EFHC1: variants seen among roughly 807,000 people sequenced by gnomAD.
The protein encoded by EFHC1 is EF-hand domain containing 1.
EFHC1 carries 53 observed loss-of-function variants against 69.9 expected under a neutral mutation model. That is an observed-to-expected ratio of 0.76 (90% CI 0.61 to 0.95). EFHC1 has a LOEUF of 0.95. EFHC1 is among the 40% of genes least tolerant of loss of function. The pLI is 0.00. For missense variants in EFHC1, 739 were observed against 798.7 expected, an observed-to-expected ratio of 0.93 and a Z score of 0.90; for synonymous variants, 256 against 278.4, an observed-to-expected ratio of 0.92 and a Z score of 0.80.
Position 52,487,011 on chromosome 6 carries a change from A to G in EFHC1, c.1641-3129A>G, listed in dbSNP as rs569662194. On this transcript the variant is annotated intron_variant, in intron 9 of 10. Transcript: ENST00000371068. Reference sequence around the variant, plus strand: ...TCATAATCTAGAGCAAGGGTTGGCAATTTTTTTTTTTTTAAGTGAAGGGAC... The same window carrying G: ...TCATAATCTAGAGCAAGGGTTGGCAGTTTTTTTTTTTTTAAGTGAAGGGAC... The G allele has an allele frequency of 4.1e-5, 6 of 146,392 alleles. No homozygotes were observed. The South Asian group carries it at 1.3e-3, about 32-fold the overall frequency. The allele number at this position is 146,392 out of a possible 1,614,324, so 9.1% of individuals were successfully genotyped here.
intron 1 of EFHC1, chr6:52,423,631 T>C: frequency 1.8e-6 from 1 of 557,352 alleles, no homozygotes; most frequent in Non-Finnish European, 3.1e-6. Context: ...CCGACTATAA[T>C]AGGCACAAGC....
In EFHC1 at chr6:52,493,942, C is replaced by T. The variant is rs773551004; in HGVS notation, c.*1601C>T. On this transcript the variant is annotated 3_prime_UTR_variant, in exon 11 of 11. Transcript: ENST00000371068. ...CTTCCCTTGGTGTTTCCTTCCCTAA[C>T]GAGCTCAGCCACTTGTAACCAGCTT... 12 of 453,928 alleles carry T rather than the reference C, an allele frequency of 2.6e-5. 1 individual carries two copies. The highest frequency in any genetic ancestry group is 9.3e-5 in the South Asian group (6 of 64,474). The allele number at this position is 453,928 out of a possible 1,614,324, so 28.1% of individuals were successfully genotyped here. A position where few individuals can be genotyped will look rare whatever the true frequency, so the allele number is the denominator to read the frequency against.
rs1363856394 is a variant in EFHC1, at chr6:52,474,401, C to T, written c.1279-4636C>T. Among the ~76,000 whole-genome samples, 7 of 152,258 alleles carry T rather than the reference C, an allele frequency of 4.6e-5. No individual in the cohort carries two copies. In the South Asian group the frequency reaches 1.0e-3, roughly 23 times the overall value. ...TCATAGTGAGTTGCCTCTACCCACC[C>T]ATCAGAATCATTAATATGTTGATGA... is the stretch of plus-strand genomic sequence containing the variant. On this transcript the variant is annotated intron_variant, in intron 7 of 10. Coordinates refer to ENST00000371068, the MANE Select transcript of EFHC1 (RefSeq NM_018100.4).
chr6:52,463,520 G>A (rs891598824), intron 5 of EFHC1, among the ~76,000 whole-genome samples: 10 of 152,100 alleles, frequency 6.6e-5, no homozygotes, highest in African/African-American at 2.4e-4. Flanking sequence ...CTTTTAGAGA[G>A]AAGAACTTCT....
chr6:52,495,531 G>C lies in EFHC1; in HGVS notation c.*3190G>C, dbSNP rs931713634. On this transcript the variant is annotated 3_prime_UTR_variant, in exon 11 of 11. Transcript: ENST00000371068. ...TCAGCTTTGGGTCTCAGCCAAAATG[G>C]AGATTTAGGAAAGTCTCATTTAGCA... 6.6e-6 allele frequency: 3 copies of C among 453,988 alleles called. No homozygotes were observed. The highest frequency in any genetic ancestry group is 1.3e-5 in the Non-Finnish European group (3 of 226,800). The allele number at this position is 453,988 out of a possible 1,614,324, so 28.1% of individuals were successfully genotyped here.
At position 52,493,104 on chromosome 6, in the gene EFHC1, T is replaced by C. The variant is rs1034755555; in HGVS notation, c.*763T>C. 1 of 453,912 alleles carries C rather than the reference T, an allele frequency of 2.2e-6. No homozygotes were observed. Among genetic ancestry groups the C allele is most frequent in the African/African-American group, 2.0e-5 (1 of 49,984 alleles). 28.1% of individuals were successfully genotyped at this position (453,912 alleles called of 1,614,324 possible). On this transcript the variant is annotated 3_prime_UTR_variant, in exon 11 of 11. Coordinates refer to ENST00000371068, the MANE Select transcript of EFHC1 (RefSeq NM_018100.4). ...GGTAAGAGAATTCCTCCTGCCTGAC[T>C]GGCTTCAAATTGGAACATCAGCCTT...
chr6:52,446,476 C>T (rs1764789404), intron 3 of EFHC1, among the ~76,000 whole-genome samples: 1 of 152,130 alleles, frequency 6.6e-6, no homozygotes, highest in Non-Finnish European at 1.5e-5. Flanking sequence ...GATGGGTCTC[C>T]TGAATACAGC....
chr6:52,493,933 C>T lies in EFHC1; in HGVS notation c.*1592C>T, dbSNP rs1260759488. On this transcript the variant is annotated 3_prime_UTR_variant, in exon 11 of 11. Coordinates refer to ENST00000371068, the MANE Select transcript of EFHC1 (RefSeq NM_018100.4). ...TCTAGGGAACTTCCCTTGGTGTTTC[C>T]TTCCCTAACGAGCTCAGCCACTTGT... is the stretch of plus-strand genomic sequence containing the variant. 4.4e-6 allele frequency: 2 copies of T among 453,960 alleles called. No homozygotes were observed. Among genetic ancestry groups the T allele is most frequent in the African/African-American group, 4.0e-5 (2 of 49,996 alleles). The allele number at this position is 453,960 out of a possible 1,614,324, so 28.1% of individuals were successfully genotyped here. A position where few individuals can be genotyped will look rare whatever the true frequency, so the allele number is the denominator to read the frequency against.
Position 52,495,758 on chromosome 6 carries a change from G to A in EFHC1, c.*3417G>A, listed in dbSNP as rs1490826671. 2 of 370,336 alleles carry A rather than the reference G, an allele frequency of 5.4e-6. No individual in the cohort carries two copies. The highest frequency in any genetic ancestry group is 3.5e-5 in the Admixed American group (1 of 28,772). 22.9% of individuals were successfully genotyped at this position (370,336 alleles called of 1,614,324 possible). ...CTCAGAGGGAACTGTCTTCAATAAA[G>A]TTGGCACTGTCCACATACACTCCTT... is the stretch of plus-strand genomic sequence containing the variant. On this transcript the variant is annotated 3_prime_UTR_variant, in exon 11 of 11. Coordinates refer to ENST00000371068, the MANE Select transcript of EFHC1 (RefSeq NM_018100.4).
chr6:52,445,915 G>A lies in EFHC1; in HGVS notation c.574-6773G>A, dbSNP rs1459682231. ...TGAGTTCTAGTTTGATTGCACTGTG[G>A]TCTGAGAGACAGTTTTATATAATTT... On this transcript the variant is annotated intron_variant, in intron 3 of 10. Coordinates refer to ENST00000371068, the MANE Select transcript of EFHC1 (RefSeq NM_018100.4). Among the ~76,000 whole-genome samples the A allele has an allele frequency of 2.6e-5, 4 of 152,288 alleles. No homozygotes were observed. The East Asian group carries it at 7.7e-4, about 29-fold the overall frequency.
intron 9 of EFHC1, chr6:52,488,167 T>C (rs1765825470): frequency 6.6e-6 from 1 of 152,216 alleles, no homozygotes; most frequent in African/African-American, 2.4e-5. Context: ...GTTTCATGGC[T>C]CTAGTTCTTG....
chr6:52,477,022 T>C (rs971240712), intron 7 of EFHC1, among the ~76,000 whole-genome samples: 2 of 152,178 alleles, frequency 1.3e-5, no homozygotes, highest in Non-Finnish European at 2.9e-5. Context: ...TTTCTATAAA[T>C]GTAAACCTCA....
intron 7 of EFHC1, among the ~76,000 whole-genome samples, chr6:52,469,826 T>C (rs1021096230): frequency 2.0e-5 from 3 of 152,214 alleles, no homozygotes; most frequent in African/African-American, 7.2e-5. Context: ...TATACTGTGA[T>C]TTCTTTGAGG....
intron 3 of EFHC1, among the ~76,000 whole-genome samples, chr6:52,442,763 C>T (rs1764693778): frequency 6.6e-6 from 1 of 152,166 alleles, no homozygotes; most frequent in African/African-American, 2.4e-5. Flanking sequence ...CATATGTGTG[C>T]ATGTGACTTT....
rs976445182 is a variant in EFHC1, at chr6:52,469,341, T to C, written c.1146T>C (p.Pro382=). Residue 382 remains proline (P), a synonymous_variant, in exon 7 of 11, where the codon CCT becomes CCC. Coordinates refer to ENST00000371068, the MANE Select transcript of EFHC1 (RefSeq NM_018100.4). ...TTCCTATGTATCTCCAGGAGTTGCC[T>C]CCTTATAACGGTTTTGGACTAGTGG... The part of the protein sequence containing the change: ...REPPPVKQEL[P]PYNGFGLVED... 3.1e-6 allele frequency: 5 copies of C among 1,614,048 alleles called. No homozygotes were observed. The East Asian group carries it at 1.1e-4, about 36-fold the overall frequency.
At position 52,479,169 on chromosome 6, in the gene EFHC1, A is replaced by G. The variant is rs1765613260; in HGVS notation, c.1411A>G (p.Lys471Glu). Residue 471 changes from lysine to glutamate, a missense_variant, in exon 8 of 11, where the codon AAA becomes GAA. Coordinates refer to ENST00000371068, the MANE Select transcript of EFHC1 (RefSeq NM_018100.4). ...TGGGGGCAAGTACCTTGGCAGGACT[A>G]AAGTTGTTAAACCATACTCTACAGT... ...IIGGKYLGRT[K>E]VVKPYSTVDN... is the part of the protein sequence containing the mutation. 6.2e-7 allele frequency: 1 copy of G among 1,614,142 alleles called. No homozygotes were observed. The highest frequency in any genetic ancestry group is 8.5e-7 in the Non-Finnish European group (1 of 1,180,004).
In EFHC1 at chr6:52,438,526, C is replaced by T. The variant is rs778524883; in HGVS notation, c.508C>T (p.Arg170Ter). 5 of 1,613,910 alleles carry T rather than the reference C, an allele frequency of 3.1e-6. No homozygotes were observed. The highest frequency in any genetic ancestry group is 1.3e-5 in the African/African-American group (1 of 74,898). ...CCATTACCATTGGAAAGACCTAAAT[C>T]GAGGAATAAACATCACAATTTATGG... is the stretch of plus-strand genomic sequence containing the variant. ...GDHYHWKDLN[R>*]GINITIYGKT... The change falls in exon 3 of 11, where the codon CGA becomes TGA. Residue 170 changes from arginine to a stop codon, truncating the protein, a stop_gained. Transcript: ENST00000371068. LOFTEE classifies it high-confidence loss of function.
At chr6:52,480,244 G>T (rs188588501) in intron 9 of EFHC1, 2 of 257,232 alleles carry the variant, frequency 7.8e-6, no homozygotes, top group Admixed American at 5.1e-5. Context: ...TTCATTAAGT[G>T]GTAGTGGATC....
intron 7 of EFHC1, among the ~76,000 whole-genome samples, chr6:52,474,998 G>T (rs1581844407): frequency 1.4e-5 from 2 of 142,780 alleles, no homozygotes; most frequent in African/African-American, 5.4e-5. Flanking sequence ...TATTTTTATT[G>T]TTGTTTTGGG....
Sources: allele counts gnomAD v4.1 joint callset (sites outside exome capture counted in the v4.1 genomes callset), GRCh38; gene constraint gnomAD v4.1.1; transcripts MANE v1.5; gene names NCBI Gene and HGNC (gene_info 2026-07-23, HGNC 2026-07-21).